The following SLC35F4 variants were observed in gnomAD, a reference collection of about 807,000 sequenced individuals.
The protein encoded by SLC35F4 is solute carrier family 35 member F4.
Under a neutral mutation model 44.2 loss-of-function variants are expected in SLC35F4, and 24 were observed. The ratio of observed to expected loss-of-function variants is 0.54; its 90% confidence interval spans 0.39 to 0.76. The LOEUF (loss-of-function observed/expected upper bound fraction) is 0.76. Among genes scored for constraint, SLC35F4 ranks in the 30% least tolerant of loss-of-function variants. SLC35F4 has a pLI of 0.00. For missense variants in SLC35F4, 562 were observed against 586.1 expected, an observed-to-expected ratio of 0.96 and a Z score of 0.42; for synonymous variants, 238 against 223.6, an observed-to-expected ratio of 1.06 and a Z score of -0.57.
intron 1 of SLC35F4, among the ~76,000 whole-genome samples, chr14:57,933,082 C>T (rs1253693203): frequency 1.1e-4 from 16 of 149,642 alleles, no homozygotes; most frequent in Middle Eastern, 3.4e-3. Flanking sequence ...GTTGCCCAAG[C>T]GCGACCTTGG....
chr14:57,648,409 T>A (rs1329703755), intron 1 of SLC35F4, among the ~76,000 whole-genome samples: 1 of 152,182 alleles, frequency 6.6e-6, no homozygotes, highest in East Asian at 1.9e-4. Flanking sequence ...AAAAGAGCAA[T>A]TTCAAATAAA....
intron 1 of SLC35F4, among the ~76,000 whole-genome samples, chr14:57,772,187 A>G (rs990510374): frequency 6.6e-6 from 1 of 152,230 alleles, no homozygotes; most frequent in Admixed American, 6.5e-5. Context: ...GCCATGACTT[A>G]GCCGAAGAGG....
intron 1 of SLC35F4, among the ~76,000 whole-genome samples, chr14:57,807,831 G>A (rs969107795): frequency 1.3e-5 from 2 of 151,798 alleles, no homozygotes; most frequent in Non-Finnish European, 2.9e-5. Flanking sequence ...ACCTGAGACT[G>A]GGTAATTTAT....
chr14:57,731,519 C>T (rs2076344291), intron 1 of SLC35F4, among the ~76,000 whole-genome samples: 1 of 152,130 alleles, frequency 6.6e-6, no homozygotes, highest in Non-Finnish European at 1.5e-5. Flanking sequence ...CATTCTACAG[C>T]ATCCAGTGGC....
At chr14:57,704,182 A>G (rs1012704869) in intron 1 of SLC35F4, among the ~76,000 whole-genome samples, 10 of 152,186 alleles carry the variant, frequency 6.6e-5, no homozygotes, top group African/African-American at 2.4e-4. Context: ...AAGTGTTCTA[A>G]CTTCTCAGGA....
chr14:57,576,578 T>C (rs2068802302), intron 4 of SLC35F4, among the ~76,000 whole-genome samples: 3 of 152,216 alleles, frequency 2.0e-5, no homozygotes, highest in Non-Finnish European at 4.4e-5. Flanking sequence ...TTTAAGGTTC[T>C]ATGGAAAACT....
At chr14:57,621,048 G>A (rs1472940547) in intron 1 of SLC35F4, among the ~76,000 whole-genome samples, 2 of 151,212 alleles carry the variant, frequency 1.3e-5, no homozygotes, top group Non-Finnish European at 3.0e-5. Flanking sequence ...GCCAAATCAT[G>A]AGTGAACTCC....
intron 1 of SLC35F4, among the ~76,000 whole-genome samples, chr14:57,707,499 A>T (rs571862542): frequency 1.8e-4 from 28 of 152,282 alleles, no homozygotes; most frequent in African/African-American, 2.6e-4. Flanking sequence ...ACGTTCTGCC[A>T]TGATTGTAAA....
At chr14:57,663,737 C>A (rs983992705) in intron 1 of SLC35F4, among the ~76,000 whole-genome samples, 4 of 152,294 alleles carry the variant, frequency 2.6e-5, no homozygotes, top group African/African-American at 9.6e-5. Context: ...ACAAATTGGT[C>A]TGCTGGTGAA....
At chr14:57,950,336 A>G (rs1261087835) in intron 1 of SLC35F4, among the ~76,000 whole-genome samples, 1 of 151,394 alleles carries the variant, frequency 6.6e-6, no homozygotes, top group Non-Finnish European at 1.5e-5. Flanking sequence ...TTTCCACTGC[A>G]TTTTGTATTT....
At chr14:57,844,554 G>A (rs1449760820) in intron 1 of SLC35F4, among the ~76,000 whole-genome samples, 1 of 152,116 alleles carries the variant, frequency 6.6e-6, no homozygotes, top group African/African-American at 2.4e-5. Flanking sequence ...TACTGTGTCA[G>A]GCACACATAA....
intron 1 of SLC35F4, among the ~76,000 whole-genome samples, chr14:57,725,084 C>T (rs974146500): frequency 1.3e-5 from 2 of 152,158 alleles, no homozygotes; most frequent in Non-Finnish European, 2.9e-5. Context: ...CAAGTGAGTG[C>T]TCACCAATGG....
chr14:57,939,642 C>T (rs763539631), intron 1 of SLC35F4, among the ~76,000 whole-genome samples: 35 of 152,126 alleles, frequency 2.3e-4, no homozygotes, highest in Non-Finnish European at 4.7e-4. Flanking sequence ...TATCCAATAG[C>T]GACTCAATAC....
chr14:57,725,344 T>C (rs1027970502), intron 1 of SLC35F4, among the ~76,000 whole-genome samples: 7 of 152,316 alleles, frequency 4.6e-5, no homozygotes, highest in South Asian at 2.1e-4. Flanking sequence ...GAGCCCTCGA[T>C]ATGGCACCAT....
chr14:57,859,625 T>A (rs1887508948), intron 1 of SLC35F4, among the ~76,000 whole-genome samples: 1 of 152,154 alleles, frequency 6.6e-6, no homozygotes, highest in Admixed American at 6.5e-5. Context: ...ATTAGGGGTG[T>A]GAGATGAACA....
upstream of SLC35F4, among the ~76,000 whole-genome samples, chr14:57,869,211 T>TAA (rs1555399042): frequency 4.6e-5 from 7 of 151,116 alleles, no homozygotes; most frequent in South Asian, 2.1e-4. Context: ...TTTTTTTTTT[T>TAA]AAAAAAAGCC....
chr14:57,925,515 G>GAGGGAGGAAGGAAGGAAGGAAGGAAGGA (rs1889545205), intron 1 of SLC35F4, among the ~76,000 whole-genome samples: 6 of 63,640 alleles, frequency 9.4e-5, no homozygotes, highest in African/African-American at 3.9e-4. Context: ...GGGAGGGAGG[G>GAGGGAGGAAGGAAGGAAGGAAGGAAGGA]AGGGAGGGAG....
intron 1 of SLC35F4, among the ~76,000 whole-genome samples, chr14:57,662,158 C>T (rs2074158321): frequency 1.3e-5 from 2 of 152,282 alleles, no homozygotes; most frequent in East Asian, 1.9e-4. Context: ...ATCTCGTGAT[C>T]AGAGTTCTAT....
intron 5 of SLC35F4, 71 bp downstream of exon 5, chr14:57,571,823 A>C: frequency 7.8e-6 from 12 of 1,529,812 alleles, no homozygotes; most frequent in Non-Finnish European, 1.1e-5. Flanking sequence ...ATTACATCGT[A>C]CTTTCTTACT....
Sources: gnomAD v4.1 joint callset for allele counts (sites outside exome capture counted in the v4.1 genomes callset) on GRCh38, gnomAD v4.1.1 for gene constraint, MANE v1.5 for transcripts, NCBI Gene and HGNC (gene_info 2026-07-23, HGNC 2026-07-21) for gene names.